Variants in DAD1 observed in about 807,000 individuals in gnomAD.
DAD1 encodes dolichyl-diphosphooligosaccharide--protein glycosyltransferase subunit DAD1.
DAD1 carries 4 observed loss-of-function variants against 9.0 expected under a neutral mutation model. The ratio of observed to expected loss-of-function variants is 0.44; its 90% CI spans 0.22 to 1.01. DAD1 has a LOEUF of 1.01. Ranked by LOEUF, DAD1 falls within the 50% of genes least tolerant of loss-of-function variation. DAD1 has a pLI of 0.24. For synonymous variants in DAD1, 60 were observed against 62.5 expected (o/e 0.96, Z 0.19); for missense variants, 119 against 137.3 (o/e 0.87, Z 0.67).
intron 1 of DAD1, among the ~76,000 whole-genome samples, chr14:22,578,541 TG>T (rs1255597259): frequency 6.6e-6 from 1 of 152,224 alleles, no homozygotes; most frequent in African/African-American, 2.4e-5. Context: ...CACTCCAGCC[TG>T]GGCAAGAGAG....
chr14:22,581,475 C>T (rs2037114944), intron 1 of DAD1, among the ~76,000 whole-genome samples: 1 of 152,086 alleles, frequency 6.6e-6, no homozygotes, highest in African/African-American at 2.4e-5. Context: ...GGCATGGTGG[C>T]TCACACCCGT....
rs116591181 is a variant in DAD1 at position 22,570,201 on chromosome 14, C to A, written c.*44+4858G>T. On this transcript the variant is annotated intron_variant, in intron 2 of 2. Transcript: ENST00000250498. ...TTAAAGATTATTGCGTGGGAGGTCA[C>A]CATTGAGAATAAAAGACGTAGAACA... is the stretch of plus-strand genomic sequence containing the variant. Among the ~76,000 whole-genome samples the A allele has an allele frequency of 1.6e-3, 239 of 152,154 alleles. 2 individuals are homozygous for A. Among genetic ancestry groups the A allele is most frequent in the African/African-American group, 5.6e-3 (231 of 41,504 alleles).
chr14:22,584,754 C>A (rs1003703016), intron 1 of DAD1, among the ~76,000 whole-genome samples: 2 of 152,094 alleles, frequency 1.3e-5, no homozygotes, highest in African/African-American at 4.8e-5. Flanking sequence ...GAAGCCAGAT[C>A]ATGAAAGAGC....
intron 2 of DAD1, 85 bp from the exon 3 acceptor site, chr14:22,565,222 A>T (rs141526392): frequency 7.2e-4 from 495 of 690,704 alleles, no homozygotes; most frequent in Non-Finnish European, 1.2e-3. Flanking sequence ...CTAACCCACA[A>T]GACAGTTATG....
In DAD1 at chr14:22,579,682, G is replaced by A. The variant is rs2037102059; in HGVS notation, c.212-4449C>T. Reference sequence around the variant, plus strand: ...GACATTCTGAAAGTATGTTTGTAAAGTTGAAAAAAAAATTAAAACAGTCTA... The same window carrying A: ...GACATTCTGAAAGTATGTTTGTAAAATTGAAAAAAAAATTAAAACAGTCTA... On this transcript the variant is annotated intron_variant, in intron 1 of 2. Coordinates refer to ENST00000250498, the MANE Select transcript of DAD1 (RefSeq NM_001344.4). Among the ~76,000 whole-genome samples the A allele has an allele frequency of 2.0e-5, 3 of 151,604 alleles. No homozygotes were observed. The South Asian group carries it at 6.2e-4, about 31-fold the overall frequency.
chr14:22,584,838 T>G (rs767139636), intron 1 of DAD1, among the ~76,000 whole-genome samples: 2 of 152,200 alleles, frequency 1.3e-5, no homozygotes, highest in African/African-American at 2.4e-5. Context: ...ACAATCAGAT[T>G]TGCAAGTCAA....
intron 1 of DAD1, among the ~76,000 whole-genome samples, chr14:22,577,723 G>A (rs1391130396): frequency 6.6e-6 from 1 of 152,176 alleles, no homozygotes; most frequent in Non-Finnish European, 1.5e-5. Context: ...GACATCAAGA[G>A]TAGTCAAACT....
intron 1 of DAD1, among the ~76,000 whole-genome samples, chr14:22,585,362 T>C (rs895253080): frequency 6.6e-6 from 1 of 152,230 alleles, no homozygotes; most frequent in Admixed American, 6.5e-5. Context: ...AATAGCACTT[T>C]AAATGAGCAC....
chr14:22,582,978 C>A (rs2037127666), intron 1 of DAD1, among the ~76,000 whole-genome samples: 1 of 144,936 alleles, frequency 6.9e-6, no homozygotes, highest in Non-Finnish European at 1.5e-5. Flanking sequence ...TGCACTCCAG[C>A]CTGGGTGACA....
In DAD1 at chr14:22,565,140, A is replaced by G. The variant is rs1397833913; in HGVS notation, c.*45-3T>C. On this transcript the variant is annotated splice_region_variant and splice_polypyrimidine_tract_variant and intron_variant, in intron 2 of 2. Transcript: ENST00000250498. ...TCCAGGAAATTCAAAGAGTGAACCT[A>G]GAAGAAAAAAGCAGCAAGGTTAAAT... 1.4e-6 allele frequency: 1 copy of G among 702,326 alleles called. No homozygotes were observed. The highest frequency in any genetic ancestry group is 2.0e-5 in the Admixed American group (1 of 50,014). 43.5% of individuals were successfully genotyped at this position (702,326 alleles called of 1,614,324 possible).
chr14:22,587,758 T>C (rs2037164065), intron 1 of DAD1, among the ~76,000 whole-genome samples: 1 of 151,752 alleles, frequency 6.6e-6, no homozygotes. Context: ...TTTTTTTTTT[T>C]GAGGCTGAGC....
At chr14:22,573,709 C>CAAAAA (rs553176098) in intron 2 of DAD1, among the ~76,000 whole-genome samples, 13 of 44,490 alleles carry the variant, frequency 2.9e-4, no homozygotes, top group South Asian at 7.4e-4. Flanking sequence ...GACTCCATCT[C>CAAAAA]AAAAAAAAAA....
chr14:22,578,539 C>G (rs2037094104), intron 1 of DAD1, among the ~76,000 whole-genome samples: 1 of 152,198 alleles, frequency 6.6e-6, no homozygotes, highest in Admixed American at 6.5e-5. Flanking sequence ...TGCACTCCAG[C>G]CTGGGCAAGA....
chr14:22,587,658 T>C (rs530046595), intron 1 of DAD1, among the ~76,000 whole-genome samples: 2 of 152,252 alleles, frequency 1.3e-5, no homozygotes, highest in African/African-American at 2.4e-5. Context: ...CTAAGAAATA[T>C]CTCTGGTGTG....
intron 1 of DAD1, among the ~76,000 whole-genome samples, chr14:22,579,735 T>A (rs2037102562): frequency 6.6e-6 from 1 of 151,936 alleles, no homozygotes; most frequent in Admixed American, 6.6e-5. Context: ...ACTATACAAC[T>A]GACATGCAAT....
At position 22,589,046 on chromosome 14, in the gene DAD1, C is replaced by G. The variant is rs1255494413; in HGVS notation, c.112G>C (p.Gly38Arg). Residue 38 changes from glycine to arginine, a missense_variant, in exon 1 of 3, where the codon GGG becomes CGG. Coordinates refer to ENST00000250498, the MANE Select transcript of DAD1 (RefSeq NM_001344.4). ...DAYLLYILLT[G>R]ALQFGYCLLV... The stretch of plus-strand genomic sequence containing the variant: ...AGACAGTAACCGAACTGCAGCGCCC[C>G]GGTCAGCAGTATATACAGCAGGTAC... 6.2e-7 allele frequency: 1 copy of G among 1,614,092 alleles called. No homozygotes were observed. The highest frequency in any genetic ancestry group is 1.3e-5 in the African/African-American group (1 of 74,932).
intron 2 of DAD1, among the ~76,000 whole-genome samples, chr14:22,571,625 CT>C (rs869205395): frequency 0.036 from 3,938 of 109,758 alleles, 151 homozygotes; most frequent in African/African-American, 0.12. Flanking sequence ...GCAAGGGGCT[CT>C]TTTTTTTTTT....
chr14:22,566,338 CTT>C (rs10707937), intron 2 of DAD1, among the ~76,000 whole-genome samples: 1 of 147,664 alleles, frequency 6.8e-6, no homozygotes, highest in African/African-American at 2.5e-5. Flanking sequence ...AACATTACAG[CTT>C]TTTTTTTTTT....
chr14:22,585,476 T>TA (rs2037145736), intron 1 of DAD1, among the ~76,000 whole-genome samples: 1 of 152,222 alleles, frequency 6.6e-6, no homozygotes. Flanking sequence ...AACTACAAGA[T>TA]AAACAGTCAG....
Sources: allele counts gnomAD v4.1 joint callset (sites outside exome capture counted in the v4.1 genomes callset), GRCh38; gene constraint gnomAD v4.1.1; transcripts MANE v1.5; gene names NCBI Gene and HGNC (gene_info 2026-07-23, HGNC 2026-07-21).